INPPL1: variants seen among roughly 807,000 people sequenced by gnomAD.
INPPL1 encodes the protein phosphatidylinositol 3,4,5-trisphosphate 5-phosphatase 2.
INPPL1 carries 91 observed loss-of-function variants against 139.3 expected under a neutral mutation model. The observed-to-expected ratio is 0.65, with a 90% CI of 0.55 to 0.78. The LOEUF is 0.78. Among genes scored for constraint, INPPL1 ranks in the 30% least tolerant of loss-of-function variants. The pLI is 0.00. For synonymous variants in INPPL1, 719 were observed against 686.6 expected (o/e 1.05, Z -0.74); for missense variants, 1,411 against 1,665.6 (o/e 0.85, Z 2.66).
chr11:72,226,285 A>G (rs1948671631), intron 1 of INPPL1, among the ~76,000 whole-genome samples: 1 of 147,830 alleles, frequency 6.8e-6, no homozygotes, highest in African/African-American at 2.5e-5. Context: ...GATTCAAGTG[A>G]TTCTTCTGCC....
chr11:72,237,819 CTG>C (rs765673691), intron 26 of INPPL1, 23 bp downstream of exon 26: 9 of 1,571,750 alleles, frequency 5.7e-6, no homozygotes, highest in Middle Eastern at 1.7e-4. Flanking sequence ...GGGTGGCTGT[CTG>C]TGTGTGCCTG....
rs1949069616 is a variant in INPPL1, at chr11:72,238,588, T to C, written c.*235T>C. 2.6e-6 allele frequency: 1 copy of C among 385,806 alleles called. No homozygotes were observed. The highest frequency in any genetic ancestry group is 6.7e-5 in the South Asian group (1 of 15,016). The allele number at this position is 385,806 out of a possible 1,614,324, so 23.9% of individuals were successfully genotyped here. ...AGGACGGAAGGTCAGTTGCCATGGT[T>C]ACCGAGGACCCTGGTTACTCTGGTG... On this transcript the variant is annotated 3_prime_UTR_variant, in exon 28 of 28. Coordinates refer to ENST00000298229, the MANE Select transcript of INPPL1 (RefSeq NM_001567.4).
rs776124588 is a variant in INPPL1, at chr11:72,229,131, A to G, written c.560A>G (p.Lys187Arg). 7 of 1,613,762 alleles carry G rather than the reference A, an allele frequency of 4.3e-6. No individual in the cohort carries two copies. The highest frequency in any genetic ancestry group is 1.7e-5 in the Admixed American group (1 of 59,992). ...GLSTVSHDYL[K>R]GSYGLDLEAV... is the part of the protein sequence containing the mutation. The stretch of plus-strand genomic sequence containing the variant: ...AGCACCGTCTCGCACGACTACCTGA[A>G]AGGCAGCTATGGGCTGGACCTGGAA... Residue 187 changes from lysine to arginine, a missense_variant, in exon 5 of 28, where the codon AAA becomes AGA. Around this residue, in one of 5 missense-constraint regions of INPPL1, gnomAD observed 504 missense variants for 595.6 expected, o/e 0.85. Transcript: ENST00000298229.
At chr11:72,237,023 A>T in intron 25 of INPPL1, 101 bp from the exon 26 acceptor site, 1 of 1,023,066 alleles carries the variant, frequency 9.8e-7, no homozygotes. Context: ...GTCTAGGACC[A>T]GGGGACTTTC....
In INPPL1 at chr11:72,238,080, C is replaced by T. The variant is rs554701103; in HGVS notation, c.3591C>T (p.Gly1197=). The T allele has an allele frequency of 1.8e-5, 29 of 1,574,176 alleles. No homozygotes were observed. In the East Asian group the frequency reaches 5.9e-4, roughly 32 times the overall value. ...CLQGGRASGL[G]EAGMSAWLRA... The stretch of plus-strand genomic sequence containing the variant: ...AGGGCGGGCGGGCCAGCGGGCTGGG[C>T]GAGGCAGGCATGAGTGCCTGGCTGC... Residue 1197 remains glycine (G), a synonymous_variant, in exon 27 of 28, where the codon GGC becomes GGT. Coordinates refer to ENST00000298229, the MANE Select transcript of INPPL1 (RefSeq NM_001567.4).
chr11:72,238,247 C>T lies in INPPL1; in HGVS notation c.3687-16C>T. The stretch of plus-strand genomic sequence containing the variant: ...CCCCTTGCCCATCTCACTTCCCAGC[C>T]TGTTTTACTCCACAGTGACATCACC... On this transcript the variant is annotated splice_polypyrimidine_tract_variant and intron_variant, in intron 27 of 27. Transcript: ENST00000298229. 1 of 1,613,694 alleles carries T rather than the reference C, an allele frequency of 6.2e-7. No individual in the cohort carries two copies.
In INPPL1 at chr11:72,228,275, C is replaced by T; in HGVS notation, c.246+22C>T. 1.9e-6 allele frequency: 3 copies of T among 1,614,112 alleles called. No homozygotes were observed. Among genetic ancestry groups the T allele is most frequent in the East Asian group, 2.2e-5 (1 of 44,886 alleles). On this transcript the variant is annotated intron_variant, in intron 2 of 27. Transcript: ENST00000298229. This position sits in a 1 kb window ranked among gnomAD's most constrained non-coding sequence, Gnocchi z 5.0. Reference sequence around the variant, plus strand: ...GCAGGTAGGAGCTTGGGCCCCTGACCCCTGACCTTGATCCAGCCTAGGGCT... The same window carrying T: ...GCAGGTAGGAGCTTGGGCCCCTGACTCCTGACCTTGATCCAGCCTAGGGCT...
At chr11:72,230,646 C>T (rs1948806583) in intron 10 of INPPL1, 150 bp from the exon 11 acceptor site, 1 of 836,218 alleles carries the variant, frequency 1.2e-6, no homozygotes. Context: ...ATAACATTTG[C>T]CAGCACTGTT....
chr11:72,226,714 G>C (rs1246939779), intron 1 of INPPL1, among the ~76,000 whole-genome samples: 1 of 152,174 alleles, frequency 6.6e-6, no homozygotes, highest in Admixed American at 6.5e-5. Context: ...GGCCCAGTAG[G>C]GGGAGACTAA....
rs958561875 is a variant in INPPL1, at chr11:72,238,614, C to T, written c.*261C>T. ...ACCGAGGACCCTGGTTACTCTGGTG[C>T]TGTCCTGTTTTACTGGACCCCGCCT... On this transcript the variant is annotated 3_prime_UTR_variant, in exon 28 of 28. Transcript: ENST00000298229. 1.5e-5 allele frequency: 5 copies of T among 339,966 alleles called. No homozygotes were observed. Among genetic ancestry groups the T allele is most frequent in the Non-Finnish European group, 2.7e-5 (5 of 187,874 alleles). 21.1% of individuals were successfully genotyped at this position (339,966 alleles called of 1,614,324 possible).
At chr11:72,236,087 C>T in intron 25 of INPPL1, 101 bp downstream of exon 25, 1 of 683,408 alleles carries the variant, frequency 1.5e-6, no homozygotes, top group Non-Finnish European at 2.5e-6. Context: ...TCATCAGCTG[C>T]TTAGGTGCCC....
rs758569018 is a variant in INPPL1, at chr11:72,229,209, C to T, written c.638C>T (p.Thr213Ile). 4 of 1,611,508 alleles carry T rather than the reference C, an allele frequency of 2.5e-6. No individual in the cohort carries two copies. The highest frequency in any genetic ancestry group is 3.4e-6 in the Non-Finnish European group (4 of 1,178,612). ...HLPHLTRTLA[T>I]SCRRLHSEVD... ...CCCCACCTCACCCGTACCCTCGCTACCTCATGCCGGAGGCTGCACAGGTAT... is the reference window on the plus strand; with the variant it reads ...CCCCACCTCACCCGTACCCTCGCTATCTCATGCCGGAGGCTGCACAGGTAT... The change falls in exon 5 of 28, where the codon ACC becomes ATC. Residue 213 changes from threonine to isoleucine, a missense_variant. Thr to Ile is a moderately conservative substitution (Grantham distance 89, BLOSUM62 -1). This residue lies in a region of INPPL1 where 504 missense variants were observed against 595.6 expected (regional missense o/e 0.85). Coordinates refer to ENST00000298229, the MANE Select transcript of INPPL1 (RefSeq NM_001567.4).
intron 17 of INPPL1, 61 bp from the exon 18 acceptor site, chr11:72,233,380 G>C: frequency 7.0e-7 from 1 of 1,428,154 alleles, no homozygotes; most frequent in South Asian, 1.1e-5. Context: ...TCTGGAGTGG[G>C]GTCCATGCCA....
In INPPL1 at chr11:72,237,953, T is replaced by TC. The variant is rs1290083898; in HGVS notation, c.3553-87dup. The TC allele has an allele frequency of 3.4e-6, 5 of 1,465,704 alleles. No individual in the cohort carries two copies. The South Asian group carries it at 4.2e-5, about 12-fold the overall frequency. The allele number at this position is 1,465,704 out of a possible 1,614,324, so 90.8% of individuals were successfully genotyped here. On this transcript the variant is annotated intron_variant, in intron 26 of 27. Coordinates refer to ENST00000298229, the MANE Select transcript of INPPL1 (RefSeq NM_001567.4). ...ACATGTATCAGCCCAGCCCTTCCCT[T>TC]CCTTTTCCCCAGAGCATGCAGCAGA...
At position 72,228,224 on chromosome 11, in the gene INPPL1, C is replaced by T; in HGVS notation, c.217C>T (p.Pro73Ser). 2 of 1,614,094 alleles carry T rather than the reference C, an allele frequency of 1.2e-6. No individual in the cohort carries two copies. The highest frequency in any genetic ancestry group is 1.7e-6 in the Non-Finnish European group (2 of 1,179,980). Residue 73 changes from proline to serine, a missense_variant, in exon 2 of 28, where the codon CCT becomes TCT. This residue lies in a region of INPPL1 where 504 missense variants were observed against 595.6 expected (regional missense o/e 0.85). Coordinates refer to ENST00000298229, the MANE Select transcript of INPPL1 (RefSeq NM_001567.4). This position sits in a 1 kb window ranked among gnomAD's most constrained non-coding sequence, Gnocchi z 5.0. Reference protein sequence around the residue: ...QKHVHTYRILPDGEDFLAVQT... With the variant: ...QKHVHTYRILSDGEDFLAVQT... ...GCATGTGCACACGTATCGCATTCTG[C>T]CTGATGGAGAAGATTTCTTGGCTGT...
rs1565400612 is a variant in INPPL1 at position 72,238,492 on chromosome 11, T to C, written c.*139T>C. The C allele has an allele frequency of 1.5e-6, 1 of 645,208 alleles. No homozygotes were observed. The highest frequency in any genetic ancestry group is 2.7e-5 in the South Asian group (1 of 37,400). 40.0% of individuals were successfully genotyped at this position (645,208 alleles called of 1,614,324 possible). ...TATTGGGGTGCCTATTTATTGGGGA[T>C]CTGCATTCCCCGCTGCCCAATCATT... On this transcript the variant is annotated 3_prime_UTR_variant, in exon 28 of 28. Coordinates refer to ENST00000298229, the MANE Select transcript of INPPL1 (RefSeq NM_001567.4).
rs1188725917 is a variant in INPPL1, at chr11:72,235,253, G to C, written c.2504-43G>C. 6 of 1,613,834 alleles carry C rather than the reference G, an allele frequency of 3.7e-6. No individual in the cohort carries two copies. The highest frequency in any genetic ancestry group is 5.1e-6 in the Non-Finnish European group (6 of 1,179,892). ...GAACAGGAAGCCAGACAGGGCCCTAGATTAGCTTGGTAATTTGCTGGTTTG... is the reference window on the plus strand; with the variant it reads ...GAACAGGAAGCCAGACAGGGCCCTACATTAGCTTGGTAATTTGCTGGTTTG... On this transcript the variant is annotated intron_variant, in intron 22 of 27. Transcript: ENST00000298229. This position sits in a 1 kb window ranked among gnomAD's most constrained non-coding sequence, Gnocchi z 4.9.
chr11:72,234,353 G>A lies in INPPL1; in HGVS notation c.2285G>A (p.Arg762His), dbSNP rs374511786. 3 of 1,614,108 alleles carry A rather than the reference G, an allele frequency of 1.9e-6. No individual in the cohort carries two copies. Among genetic ancestry groups the A allele is most frequent in the Non-Finnish European group, 1.7e-6 (2 of 1,180,000 alleles). ...GAGGCCATTGTGAAGACAGCCAGCC[G>A]CACCAAGTTCTTCATCGAGTTCTAC... ...SIEAIVKTAS[R>H]TKFFIEFYST... Residue 762 changes from arginine to histidine, a missense_variant, in exon 20 of 28, where the codon CGC becomes CAC. Physicochemically the swap from Arg to His is conservative, Grantham distance 29. Transcript: ENST00000298229. This position sits in a 1 kb window ranked among gnomAD's most constrained non-coding sequence, Gnocchi z 4.2.
chr11:72,235,801 A>C lies in INPPL1; in HGVS notation c.2739-45A>C. On this transcript the variant is annotated intron_variant, in intron 24 of 27. Transcript: ENST00000298229. This position sits in a 1 kb window ranked among gnomAD's most constrained non-coding sequence, Gnocchi z 4.9. The stretch of plus-strand genomic sequence containing the variant: ...GTCATATGAAAGGGTACCTGGGGGC[A>C]TCTGGTCAACCCCACTTCATCTCTC... 1 of 1,613,652 alleles carries C rather than the reference A, an allele frequency of 6.2e-7. No homozygotes were observed. Among genetic ancestry groups the C allele is most frequent in the Non-Finnish European group, 8.5e-7 (1 of 1,179,788 alleles).
Sources: gnomAD v4.1 joint callset for allele counts (sites outside exome capture counted in the v4.1 genomes callset) on GRCh38, gnomAD v4.1.1 for gene constraint, gnomAD v4.1.1 regional missense constraint, Gnocchi (gnomAD v3.1) non-coding constraint, MANE v1.5 for transcripts, NCBI Gene and HGNC (gene_info 2026-07-23, HGNC 2026-07-21) for gene names.